Variants in DIAPH2 observed in about 807,000 individuals in gnomAD.
DIAPH2 encodes the protein protein diaphanous homolog 2.
Under a neutral mutation model 92.7 loss-of-function variants are expected in DIAPH2, and 35 were observed. That is an observed-to-expected ratio of 0.38 (90% CI 0.29 to 0.50). The LOEUF is 0.50. Among genes scored for constraint, DIAPH2 ranks in the 20% least tolerant of loss-of-function variants. The pLI is 0.94. For synonymous variants in DIAPH2, 301 were observed against 280.4 expected (o/e 1.07, Z -0.73); for missense variants, 701 against 819.5 (o/e 0.86, Z 1.77).
intron 23 of DIAPH2, among the ~76,000 whole-genome samples, chrX:97,338,316 T>C (rs973543088): frequency 8.9e-6 from 1 of 112,324 alleles, no homozygotes; most frequent in African/African-American, 3.2e-5. Context: ...TCAATGCATA[T>C]TCATCACATA....
intron 4 of DIAPH2, among the ~76,000 whole-genome samples, chrX:96,787,848 G>A (rs935781328): frequency 3.6e-4 from 37 of 103,198 alleles, no homozygotes; most frequent in South Asian, 1.4e-3. Context: ...CTGCCACTAC[G>A]CCCAGCTAAT....
intron 19 of DIAPH2, among the ~76,000 whole-genome samples, chrX:97,082,393 G>A (rs2066752692): frequency 1.9e-5 from 2 of 107,615 alleles, no homozygotes; most frequent in South Asian, 8.3e-4. Flanking sequence ...GCCGAGGAGG[G>A]AATATCACTT....
chrX:97,114,615 A>G (rs2067004664), intron 20 of DIAPH2, 111 bp from the exon 21 acceptor site: 2 of 704,834 alleles, frequency 2.8e-6, no homozygotes, highest in Non-Finnish European at 3.8e-6. Context: ...CCCAGAGCAA[A>G]CTGACTTTAT....
chrX:97,503,969 ACT>A lies in DIAPH2; in HGVS notation c.3241+74229_3241+74230del, dbSNP rs1206759057. ...AAGTAGCCTCACATTAAATGGAAGA[ACT>A]CTCTATTATTTAGCACATTTGTATA... is the stretch of plus-strand genomic sequence containing the variant. On this transcript the variant is annotated intron_variant, in intron 26 of 26. Transcript: ENST00000324765. Among the ~76,000 whole-genome samples the A allele has an allele frequency of 2.7e-5, 3 of 111,139 alleles. No homozygotes were observed. The East Asian group carries it at 8.5e-4, about 31-fold the overall frequency.
intron 25 of DIAPH2, among the ~76,000 whole-genome samples, chrX:97,426,555 G>T (rs1313158968): frequency 1.8e-5 from 2 of 110,681 alleles, no homozygotes; most frequent in South Asian, 3.9e-4. Flanking sequence ...CTCCCAAAGT[G>T]CTGGGATTAC....
chrX:97,317,173 A>G (rs1448856354), intron 23 of DIAPH2, among the ~76,000 whole-genome samples: 1 of 112,161 alleles, frequency 8.9e-6, no homozygotes, highest in East Asian at 2.8e-4. Context: ...AAATGTTACA[A>G]TGTCATAATT....
chrX:96,706,521 G>A (rs1216441717), intron 1 of DIAPH2, among the ~76,000 whole-genome samples: 1 of 112,249 alleles, frequency 8.9e-6, no homozygotes, highest in Non-Finnish European at 1.9e-5. Flanking sequence ...TAATTGAGTT[G>A]GGTTGGGGAT....
At chrX:97,047,296 A>G (rs929286903) in intron 17 of DIAPH2, among the ~76,000 whole-genome samples, 1 of 110,796 alleles carries the variant, frequency 9.0e-6, no homozygotes, top group African/African-American at 3.3e-5. Context: ...AGATAGCCCA[A>G]TGAAAATGGA....
At chrX:97,319,439 A>T (rs2147650918) in intron 23 of DIAPH2, among the ~76,000 whole-genome samples, 1 of 108,346 alleles carries the variant, frequency 9.2e-6, no homozygotes, top group East Asian at 3.0e-4. Context: ...CCCAGGCCAG[A>T]CTGCAGTGGC....
chrX:97,288,888 G>A (rs958265406), intron 23 of DIAPH2, among the ~76,000 whole-genome samples: 1 of 111,061 alleles, frequency 9.0e-6, no homozygotes, highest in African/African-American at 3.3e-5. Flanking sequence ...TATTTCAGGT[G>A]CCCCATTTTA....
chrX:97,492,570 C>T (rs749351576), intron 26 of DIAPH2, among the ~76,000 whole-genome samples: 2 of 111,499 alleles, frequency 1.8e-5, no homozygotes, highest in East Asian at 5.6e-4. Context: ...GAAGAACTCC[C>T]GTTAGCATCA....
chrX:97,212,169 C>A (rs1450288430), intron 22 of DIAPH2, among the ~76,000 whole-genome samples: 2 of 111,748 alleles, frequency 1.8e-5, no homozygotes, highest in Non-Finnish European at 3.8e-5. Context: ...ATGGTATGCT[C>A]TTCTTTATTG....
chrX:96,961,199 A>G (rs749462942), intron 16 of DIAPH2, among the ~76,000 whole-genome samples: 2 of 111,009 alleles, frequency 1.8e-5, no homozygotes, highest in African/African-American at 3.3e-5. Context: ...ATTCATTAGT[A>G]AAGTCATTAG....
rs20374 is a variant in DIAPH2 at position 96,738,667 on chromosome X, G to A, written c.247G>A (p.Ala83Thr). The change falls in exon 3 of 27, where the codon GCG becomes ACG. Residue 83 changes from alanine (A) to threonine (T), a missense_variant. Around this residue, in one of 3 missense-constraint regions of DIAPH2, gnomAD observed 131 missense variants for 145.6 expected, o/e 0.90. Coordinates refer to ENST00000324765, the MANE Select transcript of DIAPH2 (RefSeq NM_006729.5). Reference protein sequence around the residue: ...LIQHPIDSQVAMSEFPAAQPL... With the variant: ...LIQHPIDSQVTMSEFPAAQPL... ...TCAACATCCTATTGATTCTCAAGTCGCGATGAGTGAGTTTCCTGCAGCTCA... is the reference window on the plus strand; with the variant it reads ...TCAACATCCTATTGATTCTCAAGTCACGATGAGTGAGTTTCCTGCAGCTCA... The A allele has an allele frequency of 8.4e-3, 10,140 of 1,205,238 alleles. 45 individuals carry two copies. The highest frequency in any genetic ancestry group is 0.01 in the Non-Finnish European group (9,098 of 892,142).
intron 4 of DIAPH2, among the ~76,000 whole-genome samples, chrX:96,867,295 T>A (rs951751442): frequency 2.7e-5 from 3 of 111,272 alleles, no homozygotes; most frequent in Non-Finnish European, 5.7e-5. Flanking sequence ...CTCGGCTCAC[T>A]GCAACCTCCG....
intron 26 of DIAPH2, among the ~76,000 whole-genome samples, chrX:97,563,456 G>A (rs987035253): frequency 2.7e-5 from 3 of 111,699 alleles, no homozygotes; most frequent in Non-Finnish European, 5.6e-5. Context: ...ATAGCATGGA[G>A]CTTGCTTTTT....
rs2067572926 is a variant in DIAPH2 at position 97,185,313 on chromosome X, A to ATATATATGTG, written c.2719+43526_2719+43527insGTGTATATAT. Among the ~76,000 whole-genome samples the ATATATATGTG allele has an allele frequency of 6.1e-4, 19 of 31,266 alleles. 1 individual carries two copies. Among genetic ancestry groups the ATATATATGTG allele is most frequent in the Non-Finnish European group, 8.2e-4 (16 of 19,440 alleles). 27.2% of individuals were successfully genotyped at this position (31,266 alleles called of 115,157 possible). A position where few individuals can be genotyped will look rare whatever the true frequency, so the allele number is the denominator to read the frequency against. On this transcript the variant is annotated intron_variant, in intron 22 of 26. Transcript: ENST00000324765. ...CTGTCTCAAAAAAAAAAAAATATAT[A>ATATATATGTG]TATATATATATGTGTATATATATAT...
chrX:97,034,873 A>G lies in DIAPH2; in HGVS notation c.2051-38068A>G, dbSNP rs12689633. On this transcript the variant is annotated intron_variant, in intron 17 of 26. Transcript: ENST00000324765. ...GTCTCAGAGGTCCCCATTAAAAAGA[A>G]TAAGAGTTGCTACTTCTCAAACCTT... 1.4e-3 allele frequency among the ~76,000 whole-genome samples: 158 copies of G among 111,734 alleles called. 4 individuals are homozygous for G. The East Asian group carries it at 0.037, about 26-fold the overall frequency.
chrX:97,085,655 G>T (rs913879814), intron 19 of DIAPH2, among the ~76,000 whole-genome samples: 1 of 111,164 alleles, frequency 9.0e-6, no homozygotes, highest in African/African-American at 3.3e-5. Flanking sequence ...GACCTCAGGT[G>T]ATCCGCCTGC....
Sources: allele counts gnomAD v4.1 joint callset (sites outside exome capture counted in the v4.1 genomes callset), GRCh38; gene constraint gnomAD v4.1.1; regional missense constraint gnomAD v4.1.1; transcripts MANE v1.5; gene names NCBI Gene and HGNC (gene_info 2026-07-23, HGNC 2026-07-21).